Variants in AKAP13 observed in about 807,000 individuals in gnomAD.
AKAP13 encodes A-kinase anchor protein 13.
AKAP13 carries 80 observed loss-of-function variants against 264.5 expected under a neutral mutation model. The ratio of observed to expected loss-of-function variants is 0.30; its 90% CI spans 0.25 to 0.36. AKAP13 has a LOEUF of 0.36. Ranked by LOEUF, AKAP13 falls within the 10% of genes least tolerant of loss-of-function variation. The pLI is 1.00. For missense variants in AKAP13, 3,712 were observed against 3,435.2 expected (o/e 1.08, Z -2.01); for synonymous variants, 1,380 against 1,250.2 (o/e 1.10, Z -2.19).
chr15:85,714,554 C>T (rs1182140368), intron 19 of AKAP13, among the ~76,000 whole-genome samples: 1 of 152,248 alleles, frequency 6.6e-6, no homozygotes, highest in African/African-American at 2.4e-5. Flanking sequence ...GGTTCCACCC[C>T]TAGAAGACAA....
chr15:85,427,484 G>A (rs1023558418), intron 1 of AKAP13, among the ~76,000 whole-genome samples: 2 of 151,858 alleles, frequency 1.3e-5, no homozygotes, highest in South Asian at 2.1e-4. Flanking sequence ...CAAGTCTATC[G>A]ACTCCTCTAG....
chr15:85,435,372 A>G (rs907547457), intron 1 of AKAP13, among the ~76,000 whole-genome samples: 1 of 123,980 alleles, frequency 8.1e-6, no homozygotes, highest in African/African-American at 3.1e-5. Flanking sequence ...GGAGAATGGA[A>G]CCAAGTTGGA....
At chr15:85,663,376 A>G (rs1034149864) in intron 12 of AKAP13, among the ~76,000 whole-genome samples, 2 of 152,122 alleles carry the variant, frequency 1.3e-5, no homozygotes, top group Non-Finnish European at 2.9e-5. Flanking sequence ...GTAGTTAGTC[A>G]TGATTTCTAT....
At chr15:85,452,219 GT>G (rs36006368) in intron 1 of AKAP13, among the ~76,000 whole-genome samples, 76,497 of 140,596 alleles carry the variant, frequency 0.54, 20,975 homozygotes, top group African/African-American at 0.65. Context: ...ATCCCTTAGG[GT>G]TTTTTTTTTT....
intron 8 of AKAP13, among the ~76,000 whole-genome samples, chr15:85,591,927 A>G (rs1055599559): frequency 2.0e-5 from 3 of 152,224 alleles, no homozygotes; most frequent in Non-Finnish European, 4.4e-5. Flanking sequence ...CTCAAGAACA[A>G]CTATGTTCAA....
At chr15:85,636,619 T>C (rs1296298977) in intron 8 of AKAP13, among the ~76,000 whole-genome samples, 2 of 151,820 alleles carry the variant, frequency 1.3e-5, no homozygotes, top group Non-Finnish European at 2.9e-5. Context: ...TTGCTGATTT[T>C]TTTTTTTTCC....
chr15:85,550,695 A>C (rs11634651), intron 5 of AKAP13, among the ~76,000 whole-genome samples: 31,196 of 152,220 alleles, frequency 0.2, 4,233 homozygotes, highest in Middle Eastern at 0.41. Flanking sequence ...AAGATGAAAC[A>C]AATGTACAGA....
At chr15:85,383,427 C>T (rs1488063033) in intron 1 of AKAP13, among the ~76,000 whole-genome samples, 1 of 152,150 alleles carries the variant, frequency 6.6e-6, no homozygotes, top group East Asian at 1.9e-4. Context: ...TACTTAACTA[C>T]AGTATCTAAC....
At chr15:85,669,393 ATATT>A (rs1431033276) in intron 13 of AKAP13, among the ~76,000 whole-genome samples, 3 of 152,246 alleles carry the variant, frequency 2.0e-5, no homozygotes, top group Non-Finnish European at 4.4e-5. Flanking sequence ...CATCCAGCAG[ATATT>A]TATTAAGTAC....
intron 14 of AKAP13, among the ~76,000 whole-genome samples, chr15:85,671,578 T>TC (rs34632185): frequency 0.018 from 2,712 of 152,092 alleles, 77 homozygotes; most frequent in African/African-American, 0.056. Context: ...AGACTTATTT[T>TC]CAAAGATATG....
chr15:85,631,383 A>G (rs889626221), intron 8 of AKAP13, among the ~76,000 whole-genome samples: 1 of 152,166 alleles, frequency 6.6e-6, no homozygotes, highest in Admixed American at 6.5e-5. Context: ...CTATGAATAT[A>G]CTAGTACTAT....
At chr15:85,517,143 T>C (rs2076633427) in intron 2 of AKAP13, among the ~76,000 whole-genome samples, 1 of 152,196 alleles carries the variant, frequency 6.6e-6, no homozygotes, top group Non-Finnish European at 1.5e-5. Context: ...GGCCCACCTT[T>C]GAAAATCTAT....
intron 1 of AKAP13, among the ~76,000 whole-genome samples, chr15:85,426,928 A>G (rs2072804463): frequency 6.6e-6 from 1 of 150,426 alleles, no homozygotes; most frequent in Non-Finnish European, 1.5e-5. Flanking sequence ...CTGTTTCCAC[A>G]CAACCTCCTT....
At position 85,748,797 on chromosome 15, in the gene AKAP13, A is replaced by G. The variant is rs551445098; in HGVS notation, c.*4120A>G. The G allele has an allele frequency of 6.6e-6, 1 of 152,418 alleles. No homozygotes were observed. The highest frequency in any genetic ancestry group is 2.4e-5 in the African/African-American group (1 of 41,580). 9.4% of individuals were successfully genotyped at this position (152,418 alleles called of 1,614,324 possible). On this transcript the variant is annotated 3_prime_UTR_variant, in exon 37 of 37. Transcript: ENST00000394518. ...CCACTGGCTGTGTCCCCTGCCACCG[A>G]AGTGAGTGACCTGCCCTACAACCAG...
At chr15:85,585,643 TAGTA>T in intron 7 of AKAP13, 55 bp from the exon 8 acceptor site, 1 of 1,607,998 alleles carries the variant, frequency 6.2e-7, no homozygotes, top group Non-Finnish European at 8.5e-7. Flanking sequence ...GTTGTATGAA[TAGTA>T]AGGCACAGGA....
intron 1 of AKAP13, among the ~76,000 whole-genome samples, chr15:85,420,886 C>G (rs1030262784): frequency 8.6e-5 from 13 of 151,988 alleles, no homozygotes; most frequent in East Asian, 3.9e-4. Flanking sequence ...GAGTTTGAGG[C>G]CAGACTGGGC....
At chr15:85,388,122 G>GC (rs2070673521) in intron 1 of AKAP13, among the ~76,000 whole-genome samples, 1 of 151,506 alleles carries the variant, frequency 6.6e-6, no homozygotes, top group Non-Finnish European at 1.5e-5. Flanking sequence ...GCAACCTGTG[G>GC]CCCCCCAGGT....
chr15:85,418,462 T>C (rs2072350127), intron 1 of AKAP13, among the ~76,000 whole-genome samples: 1 of 152,168 alleles, frequency 6.6e-6, no homozygotes, highest in Non-Finnish European at 1.5e-5. Flanking sequence ...TTTCTTCAAG[T>C]TGAAATGTGG....
At chr15:85,680,029 C>T (rs964839347) in intron 14 of AKAP13, among the ~76,000 whole-genome samples, 7 of 152,190 alleles carry the variant, frequency 4.6e-5, no homozygotes, top group African/African-American at 1.7e-4. Context: ...GTCATAGATT[C>T]TCCTAGTACT....
Sources: allele counts gnomAD v4.1 joint callset (sites outside exome capture counted in the v4.1 genomes callset), GRCh38; gene constraint gnomAD v4.1.1; transcripts MANE v1.5; gene names NCBI Gene and HGNC (gene_info 2026-07-23, HGNC 2026-07-21).